The following WWOX variants were observed in gnomAD, a reference collection of about 807,000 sequenced individuals.
WWOX encodes WW domain containing oxidoreductase, also known as WW domain-containing oxidoreductase.
Under a neutral mutation model 46.2 loss-of-function variants are expected in WWOX, and 69 were observed. The observed-to-expected ratio is 1.49, with a 90% CI of 1.23 to 1.82. WWOX has a LOEUF of 1.82. Ranked by LOEUF, WWOX falls within the 40% of genes most tolerant of loss-of-function variation. The pLI is 0.00. For missense variants in WWOX, 919 were observed against 542.6 expected (o/e 1.69, Z -6.89); for synonymous variants, 359 against 202.6 (o/e 1.77, Z -6.56).
chr16:78,239,557 C>T (rs1299238434), intron 5 of WWOX, among the ~76,000 whole-genome samples: 1 of 152,054 alleles, frequency 6.6e-6, no homozygotes, highest in Non-Finnish European at 1.5e-5. Context: ...TTTTTTGAGA[C>T]AGGGTCTCGC....
chr16:78,895,426 C>G (rs895367679), intron 8 of WWOX: 2 of 152,318 alleles, frequency 1.3e-5, no homozygotes, highest in East Asian at 3.9e-4. Flanking sequence ...AAACATCATG[C>G]TTCTTTCTGT....
intron 8 of WWOX, among the ~76,000 whole-genome samples, chr16:78,831,891 T>A (rs563232190): frequency 6.6e-6 from 1 of 152,184 alleles, no homozygotes; most frequent in African/African-American, 2.4e-5. Context: ...CGCATATTGG[T>A]GATCTCGTCG....
chr16:78,745,146 A>T (rs184965597), intron 8 of WWOX, among the ~76,000 whole-genome samples: 1 of 152,292 alleles, frequency 6.6e-6, no homozygotes, highest in African/African-American at 2.4e-5. Flanking sequence ...GAATATGAAC[A>T]TGCCTCTGTC....
chr16:78,801,120 C>T (rs1256313317), intron 8 of WWOX, among the ~76,000 whole-genome samples: 1 of 151,324 alleles, frequency 6.6e-6, no homozygotes, highest in Non-Finnish European at 1.5e-5. Context: ...GTGGTGCAAT[C>T]TTGGCTCACT....
chr16:78,993,730 T>A (rs903447330), intron 8 of WWOX, among the ~76,000 whole-genome samples: 1 of 152,110 alleles, frequency 6.6e-6, no homozygotes, highest in Non-Finnish European at 1.5e-5. Flanking sequence ...ATCTGCCTGG[T>A]GCTAATATTT....
intron 8 of WWOX, among the ~76,000 whole-genome samples, chr16:78,653,154 A>G (rs2047003218): frequency 6.6e-6 from 1 of 152,200 alleles, no homozygotes; most frequent in Non-Finnish European, 1.5e-5. Flanking sequence ...ACATAGATAT[A>G]TAATTAAAAA....
chr16:78,375,941 C>T (rs1210228600), intron 5 of WWOX, among the ~76,000 whole-genome samples: 2 of 151,234 alleles, frequency 1.3e-5, no homozygotes, highest in Non-Finnish European at 1.5e-5. Flanking sequence ...AACTCCGCAT[C>T]CTGGTTTCAA....
chr16:78,345,576 G>A (rs1378600655), intron 5 of WWOX, among the ~76,000 whole-genome samples: 1 of 92,466 alleles, frequency 1.1e-5, no homozygotes, highest in African/African-American at 3.7e-5. Context: ...GGAAGTCAAG[G>A]CTACAGTGAG....
rs11545030 is a variant in WWOX at position 79,211,829 on chromosome 16, G to A, written c.*33G>A. On this transcript the variant is annotated 3_prime_UTR_variant, in exon 9 of 9. Coordinates refer to ENST00000566780, the MANE Select transcript of WWOX (RefSeq NM_016373.4). ...TCAGAGCGGATGGGCACACACACCCGCCCTGTGTGTGTCCCCTCACGCAAG... is the reference window on the plus strand; with the variant it reads ...TCAGAGCGGATGGGCACACACACCCACCCTGTGTGTGTCCCCTCACGCAAG... 1.7e-3 allele frequency: 2,821 copies of A among 1,612,770 alleles called. 11 individuals are homozygous for A. The highest frequency in any genetic ancestry group is 0.017 in the African/African-American group (1,247 of 75,036).
chr16:78,821,149 C>G (rs1484599780), intron 8 of WWOX, among the ~76,000 whole-genome samples: 1 of 152,190 alleles, frequency 6.6e-6, no homozygotes, highest in South Asian at 2.1e-4. Context: ...TGTGCTTTCT[C>G]TTGGCCTTTC....
intron 8 of WWOX, among the ~76,000 whole-genome samples, chr16:78,487,825 C>T (rs922932767): frequency 3.3e-5 from 5 of 152,138 alleles, no homozygotes; most frequent in Non-Finnish European, 7.3e-5. Context: ...CCCTCCTTTT[C>T]TCTGGCTTCC....
intron 8 of WWOX, among the ~76,000 whole-genome samples, chr16:79,092,637 G>T (rs569239888): frequency 6.6e-6 from 1 of 152,260 alleles, no homozygotes; most frequent in South Asian, 2.1e-4. Context: ...CCTTTTTCCA[G>T]TAAAAGTCGT....
chr16:78,805,075 C>G lies in WWOX; in HGVS notation c.1056+372323C>G, dbSNP rs73575678. On this transcript the variant is annotated intron_variant, in intron 8 of 8. Transcript: ENST00000566780. Reference sequence around the variant, plus strand: ...CCATCTTAAAAATAAAAGTACTTTTCTGCATGTGGTCTTGTACATGAAATT... The same window carrying G: ...CCATCTTAAAAATAAAAGTACTTTTGTGCATGTGGTCTTGTACATGAAATT... Among the ~76,000 whole-genome samples, 1,321 of 152,296 alleles carry G rather than the reference C, an allele frequency of 8.7e-3. 24 individuals carry two copies. Among genetic ancestry groups the G allele is most frequent in the African/African-American group, 0.03 (1,257 of 41,556 alleles).
chr16:78,633,338 G>A (rs1810744490), intron 8 of WWOX, among the ~76,000 whole-genome samples: 1 of 152,182 alleles, frequency 6.6e-6, no homozygotes, highest in African/African-American at 2.4e-5. Context: ...ACCCAACTAG[G>A]TCGGGACAGG....
intron 8 of WWOX, among the ~76,000 whole-genome samples, chr16:78,979,451 T>A (rs1597232183): frequency 6.6e-6 from 1 of 152,140 alleles, no homozygotes; most frequent in East Asian, 1.9e-4. Flanking sequence ...GGCTCCCCCA[T>A]CGAGGTGCTC....
intron 8 of WWOX, among the ~76,000 whole-genome samples, chr16:78,917,609 AG>A (rs561570820): frequency 2.2e-4 from 33 of 152,094 alleles, no homozygotes; most frequent in Non-Finnish European, 4.7e-4. Flanking sequence ...TTGCAGCTGC[AG>A]CCCTTCTACT....
chr16:78,678,077 A>G (rs988308197), intron 8 of WWOX, among the ~76,000 whole-genome samples: 1 of 152,126 alleles, frequency 6.6e-6, no homozygotes, highest in Admixed American at 6.6e-5. Context: ...TAATCTGTCT[A>G]CTTGCTAATT....
intron 8 of WWOX, among the ~76,000 whole-genome samples, chr16:78,444,769 A>G (rs1237018793): frequency 1.3e-5 from 2 of 151,970 alleles, no homozygotes; most frequent in African/African-American, 4.8e-5. Flanking sequence ...TGACCTCATG[A>G]TCCACCCGCC....
At chr16:78,900,535 A>T (rs549267291) in intron 8 of WWOX, among the ~76,000 whole-genome samples, 7 of 152,310 alleles carry the variant, frequency 4.6e-5, no homozygotes, top group Admixed American at 4.6e-4. Context: ...GAATTTTCTA[A>T]GCAGAGGTTC....
Sources: allele counts gnomAD v4.1 joint callset (sites outside exome capture counted in the v4.1 genomes callset), GRCh38; gene constraint gnomAD v4.1.1; transcripts MANE v1.5; gene names NCBI Gene and HGNC (gene_info 2026-07-23, HGNC 2026-07-21).